The following ERICH6 variants were observed in gnomAD, a reference collection of about 807,000 sequenced individuals.
ERICH6 encodes glutamate rich 6, also known as glutamate-rich protein 6.
A neutral mutation model predicts 71.0 loss-of-function variants in ERICH6; 71 were observed. The observed-to-expected ratio is 1.00, with a 90% CI of 0.83 to 1.22. The LOEUF (loss-of-function observed/expected upper bound fraction) is 1.22, where lower values mean the gene tolerates loss of function less well. Ranked by LOEUF, ERICH6 falls within the 50% of genes most tolerant of loss-of-function variation. The pLI is 0.00. For missense variants in ERICH6, 808 were observed against 797.2 expected (o/e 1.01, Z -0.16); for synonymous variants, 262 against 278.4 (o/e 0.94, Z 0.59).
In ERICH6 at chr3:150,678,516, C is replaced by G. The variant is rs374414297; in HGVS notation, c.1150G>C (p.Val384Leu). 6.2e-7 allele frequency: 1 copy of G among 1,602,202 alleles called. No individual in the cohort carries two copies. Among genetic ancestry groups the G allele is most frequent in the Admixed American group, 1.8e-5 (1 of 56,370 alleles). The change falls in exon 10 of 14, where the codon GTG becomes CTG. Residue 384 changes from valine to leucine, a missense_variant. Transcript: ENST00000295910. ...ATTATCTGTTTTTCTGGAATATCCA[C>G]AGAAAGTTGATAAGAAATTGTTTTT... The part of the protein sequence containing the change: ...RLKTISYQLS[V>L]DIPEKQIIDD...
At position 150,680,517 on chromosome 3, in the gene ERICH6, G is replaced by C; in HGVS notation, c.1062C>G (p.Ala354=). The change falls in exon 9 of 14, where the codon GCC becomes GCG. Residue 354 remains alanine, a synonymous_variant. Coordinates refer to ENST00000295910, the MANE Select transcript of ERICH6 (RefSeq NM_152394.5). ...ALQRKQEQRM[A]RHFAIISREQ... Reference sequence around the variant, plus strand: ...CCCTTGATATTATTGCAAAATGTCTGGCCATTCGTTGCTCCTGTTTCCTAC... The same window carrying C: ...CCCTTGATATTATTGCAAAATGTCTCGCCATTCGTTGCTCCTGTTTCCTAC... The C allele has an allele frequency of 1.9e-6, 3 of 1,614,130 alleles. No individual in the cohort carries two copies. The South Asian group carries it at 3.3e-5, about 18-fold the overall frequency.
Position 150,703,817 on chromosome 3 carries a change from C to CCTCCTCTAACTCCTCCTCTGA in ERICH6, c.61_81dup (p.Ser21_Glu27dup). ...TCCTCCACCTCTTCCTCCTCCTCCT[C>CCTCCTCTAACTCCTCCTCTGA]CTCCTCTAACTCCTCCTCTGACTCC... is the stretch of plus-strand genomic sequence containing the variant. On this transcript the variant is annotated inframe_insertion, in exon 1 of 14. Transcript: ENST00000295910. 6.2e-7 allele frequency: 1 copy of CCTCCTCTAACTCCTCCTCTGA among 1,613,638 alleles called. No homozygotes were observed.
chr3:150,697,118 A>C (rs1042360290), intron 3 of ERICH6, among the ~76,000 whole-genome samples: 8 of 152,208 alleles, frequency 5.3e-5, no homozygotes, highest in Admixed American at 3.3e-4. Context: ...AGGCCTATTA[A>C]GCGAAAAAGC....
chr3:150,667,329 T>C (rs916912454), intron 12 of ERICH6, among the ~76,000 whole-genome samples: 1 of 122,116 alleles, frequency 8.2e-6, no homozygotes, highest in African/African-American at 2.8e-5. Context: ...TACAGAAGAG[T>C]AGATTAATCC....
chr3:150,697,026 A>G (rs1712680904), intron 3 of ERICH6, among the ~76,000 whole-genome samples: 1 of 152,226 alleles, frequency 6.6e-6, no homozygotes, highest in Admixed American at 6.5e-5. Flanking sequence ...ATCTTTAAAT[A>G]AATAATTGTA....
At chr3:150,665,969 T>G (rs1169436627) in intron 13 of ERICH6, among the ~76,000 whole-genome samples, 4 of 152,170 alleles carry the variant, frequency 2.6e-5, no homozygotes, top group African/African-American at 9.7e-5. Context: ...GTCTATATTA[T>G]TTTATTTAGT....
chr3:150,670,847 G>A (rs557928294), intron 11 of ERICH6, among the ~76,000 whole-genome samples: 1 of 152,258 alleles, frequency 6.6e-6, no homozygotes, highest in African/African-American at 2.4e-5. Flanking sequence ...CTGGTTAGAA[G>A]TCCAGAAATA....
intron 3 of ERICH6, among the ~76,000 whole-genome samples, chr3:150,687,864 TC>T (rs148524743): frequency 0.1 from 15,614 of 152,230 alleles, 1,084 homozygotes; most frequent in Non-Finnish European, 0.15. Flanking sequence ...ATGCCTGTAA[TC>T]CCAGAACTCT....
chr3:150,685,908 G>C (rs1377685450), intron 5 of ERICH6, 50 bp from the exon 6 acceptor site: 1 of 1,603,918 alleles, frequency 6.2e-7, no homozygotes, highest in East Asian at 2.2e-5. Flanking sequence ...TTGAAGATTT[G>C]ATAAGCCATT....
At chr3:150,690,087 T>C (rs1215959555) in intron 3 of ERICH6, among the ~76,000 whole-genome samples, 1 of 152,204 alleles carries the variant, frequency 6.6e-6, no homozygotes, top group Non-Finnish European at 1.5e-5. Flanking sequence ...TTCTCCCTCT[T>C]TGGAAACCTA....
intron 3 of ERICH6, among the ~76,000 whole-genome samples, chr3:150,694,910 C>G (rs58536103): frequency 6.6e-6 from 1 of 151,960 alleles, no homozygotes; most frequent in African/African-American, 2.4e-5. Flanking sequence ...ATCAAGGTGC[C>G]GGTAGATTTG....
At chr3:150,668,821 T>C (rs1347851759) in intron 12 of ERICH6, among the ~76,000 whole-genome samples, 4 of 152,214 alleles carry the variant, frequency 2.6e-5, no homozygotes, top group African/African-American at 9.6e-5. Context: ...GGAGATTTTG[T>C]GTGTATGTTA....
At position 150,666,833 on chromosome 3, in the gene ERICH6, A is replaced by G. The variant is rs774153717; in HGVS notation, c.1682T>C (p.Leu561Pro). The G allele has an allele frequency of 1.9e-6, 3 of 1,614,146 alleles. No homozygotes were observed. The highest frequency in any genetic ancestry group is 2.2e-5 in the East Asian group (1 of 44,864). The change falls in exon 13 of 14, where the codon CTA becomes CCA. Residue 561 changes from leucine (L) to proline (P), a missense_variant. Physicochemically the swap from Leu to Pro is moderately conservative, Grantham distance 98. This residue lies in a region of ERICH6 where 736 missense variants were observed against 712.2 expected (regional missense o/e 1.03). Transcript: ENST00000295910. ...LEQDKISITF[L>P]AMGQQARISV... ...GATTCTTGCCTGTTGGCCCATTGCT[A>G]GAAAAGTTATAGAAATCTTGTCTTG...
chr3:150,684,134 C>A (rs1712083217), intron 6 of ERICH6, among the ~76,000 whole-genome samples: 1 of 152,092 alleles, frequency 6.6e-6, no homozygotes, highest in South Asian at 2.1e-4. Flanking sequence ...TGCCTGTAAT[C>A]CCAGAACTTT....
chr3:150,699,734 A>C (rs989541403), intron 2 of ERICH6, among the ~76,000 whole-genome samples: 1 of 150,052 alleles, frequency 6.7e-6, no homozygotes, highest in East Asian at 1.9e-4. Context: ...AAAAAAAAAA[A>C]ACACAAAAAA....
intron 3 of ERICH6, among the ~76,000 whole-genome samples, chr3:150,694,511 G>T (rs988645598): frequency 2.7e-4 from 41 of 152,256 alleles, no homozygotes; most frequent in African/African-American, 8.7e-4. Context: ...CTGATTTACT[G>T]AGGGCCAGAT....
intron 11 of ERICH6, 30 bp downstream of exon 11, chr3:150,673,926 T>C (rs771992192): frequency 6.3e-7 from 1 of 1,596,536 alleles, no homozygotes; most frequent in Non-Finnish European, 8.6e-7. Flanking sequence ...GTAATAAAGC[T>C]AATAAAAATA....
chr3:150,683,523 G>A (rs1712054427), intron 6 of ERICH6, among the ~76,000 whole-genome samples: 1 of 152,130 alleles, frequency 6.6e-6, no homozygotes, highest in Non-Finnish European at 1.5e-5. Flanking sequence ...CCGCACTTTG[G>A]GAGGCCGAGG....
chr3:150,691,607 C>T (rs570720808), intron 3 of ERICH6, among the ~76,000 whole-genome samples: 1 of 151,950 alleles, frequency 6.6e-6, no homozygotes, highest in East Asian at 1.9e-4. Context: ...CCAATCATGT[C>T]ATGAATGGTC....
Sources: allele counts gnomAD v4.1 joint callset (sites outside exome capture counted in the v4.1 genomes callset), GRCh38; gene constraint gnomAD v4.1.1; regional missense constraint gnomAD v4.1.1; transcripts MANE v1.5; gene names NCBI Gene and HGNC (gene_info 2026-07-23, HGNC 2026-07-21).